Variants in TRERF1 observed in about 807,000 individuals in gnomAD.
TRERF1 encodes transcriptional-regulating factor 1.
A neutral mutation model predicts 122.9 loss-of-function variants in TRERF1; 27 were observed. The ratio of observed to expected loss-of-function variants is 0.22; its 90% CI spans 0.16 to 0.30. The LOEUF is 0.30. Ranked by LOEUF, TRERF1 falls within the 10% of genes least tolerant of loss-of-function variation. The probability of loss-of-function intolerance (pLI) is 1.00; values close to 1 mark genes in which losing one functional copy is unlikely to be tolerated. For synonymous variants in TRERF1, 636 were observed against 641.7 expected, an observed-to-expected ratio of 0.99 and a Z score of 0.13; for missense variants, 1,248 against 1,560.3, an observed-to-expected ratio of 0.80 and a Z score of 3.37.
intron 2 of TRERF1, among the ~76,000 whole-genome samples, chr6:42,374,686 G>C (rs924253965): frequency 1.3e-5 from 2 of 152,140 alleles, no homozygotes; most frequent in Admixed American, 6.6e-5. Flanking sequence ...TCTCCTCAGA[G>C]GTAGAAATGT....
In TRERF1 at chr6:42,269,203, T is replaced by A; in HGVS notation, c.388A>T (p.Ile130Phe). 2 of 1,614,224 alleles carry A rather than the reference T, an allele frequency of 1.2e-6. No homozygotes were observed. The highest frequency in any genetic ancestry group is 1.7e-6 in the Non-Finnish European group (2 of 1,180,044). Residue 130 changes from isoleucine to phenylalanine, a missense_variant, in exon 5 of 18, where the codon ATC becomes TTC. Coordinates refer to ENST00000372922, the Ensembl canonical transcript of TRERF1. The surrounding 1 kb of genome is among the most constrained non-coding windows in gnomAD (Gnocchi z 4.9). The stretch of plus-strand genomic sequence containing the variant: ...CCGCTGGTAAGCTTCTGGGTCCGGA[T>A]CTCGCTGGCCTGGGAGTAGGTGTAT...
Position 42,414,189 on chromosome 6 carries a change from G to A in TRERF1, c.-454+36988C>T, listed in dbSNP as rs546063509. On this transcript the variant is annotated intron_variant, in intron 2 of 17. Coordinates refer to ENST00000372922, the Ensembl canonical transcript of TRERF1. Reference sequence around the variant, plus strand: ...AACAAGTAAGTGAAAAACAACCAAGGGGAAAGCATCTGGACTTAAAGCATC... The same window carrying A: ...AACAAGTAAGTGAAAAACAACCAAGAGGAAAGCATCTGGACTTAAAGCATC... Among the ~76,000 whole-genome samples the A allele has an allele frequency of 2.0e-5, 3 of 152,294 alleles. No homozygotes were observed. In the South Asian group the frequency reaches 6.2e-4, roughly 32 times the overall value.
chr6:42,316,418 T>C (rs941724591), intron 3 of TRERF1, among the ~76,000 whole-genome samples: 3 of 152,188 alleles, frequency 2.0e-5, no homozygotes, highest in Admixed American at 1.3e-4. Flanking sequence ...GACTGCCTCA[T>C]AGTGACTTTG....
intron 5 of TRERF1, among the ~76,000 whole-genome samples, chr6:42,266,915 A>T (rs1779299553): frequency 6.6e-6 from 1 of 152,190 alleles, no homozygotes; most frequent in South Asian, 2.1e-4. Context: ...ACCACTGCCT[A>T]ATGTCTCATA....
intron 6 of TRERF1, among the ~76,000 whole-genome samples, chr6:42,265,418 T>A (rs1010612237): frequency 4.6e-5 from 7 of 152,378 alleles, no homozygotes; most frequent in Middle Eastern, 3.4e-3. Context: ...ACATGGGCTT[T>A]GCAGTCAATC....
chr6:42,226,164 A>G (rs1025047193), exon 18 of TRERF1: 4 of 152,252 alleles, frequency 2.6e-5, no homozygotes, highest in African/African-American at 4.8e-5. Context: ...TCCTTATGCT[A>G]TACTGCATGG....
intron 2 of TRERF1, among the ~76,000 whole-genome samples, chr6:42,395,505 G>A (rs984024929): frequency 6.6e-6 from 1 of 152,096 alleles, no homozygotes; most frequent in Non-Finnish European, 1.5e-5. Context: ...AGGCAAGATC[G>A]GAGAGATTTT....
At chr6:42,423,970 A>G (rs1783230414) in intron 2 of TRERF1, among the ~76,000 whole-genome samples, 1 of 152,258 alleles carries the variant, frequency 6.6e-6, no homozygotes, top group South Asian at 2.1e-4. Flanking sequence ...AATGTAATAA[A>G]AAGATATGCT....
chr6:42,335,040 C>A (rs1378953190), intron 3 of TRERF1, among the ~76,000 whole-genome samples: 1 of 152,230 alleles, frequency 6.6e-6, no homozygotes, highest in African/African-American at 2.4e-5. Context: ...CATTATCAGG[C>A]TACGTGGCAC....
intron 2 of TRERF1, among the ~76,000 whole-genome samples, chr6:42,414,817 C>T (rs1392365894): frequency 6.6e-6 from 1 of 152,226 alleles, no homozygotes; most frequent in Non-Finnish European, 1.5e-5. Flanking sequence ...TTTAGCCCAT[C>T]TCCCACTGAT....
At chr6:42,444,213 T>G (rs1231617849) in intron 2 of TRERF1, among the ~76,000 whole-genome samples, 1 of 149,212 alleles carries the variant, frequency 6.7e-6, no homozygotes, top group Non-Finnish European at 1.5e-5. Flanking sequence ...TCTTTTGAGC[T>G]TCTTGCTCAA....
At chr6:42,402,548 T>C (rs1450037280) in intron 2 of TRERF1, among the ~76,000 whole-genome samples, 1 of 152,124 alleles carries the variant, frequency 6.6e-6, no homozygotes, top group Non-Finnish European at 1.5e-5. Flanking sequence ...TAAGGAAGGG[T>C]CACATCCATA....
intron 4 of TRERF1, among the ~76,000 whole-genome samples, chr6:42,289,619 T>C (rs1389074887): frequency 6.6e-6 from 1 of 152,180 alleles, no homozygotes; most frequent in Non-Finnish European, 1.5e-5. Context: ...AGAATAGGAT[T>C]GTTTTTTGGA....
At chr6:42,430,694 GACC>G (rs1562197762) in intron 2 of TRERF1, among the ~76,000 whole-genome samples, 3 of 152,202 alleles carry the variant, frequency 2.0e-5, no homozygotes, top group East Asian at 1.9e-4. Flanking sequence ...AGGAGATGGA[GACC>G]ACCATCCTGG....
Position 42,370,134 on chromosome 6 carries a change from G to C in TRERF1, c.-453-7055C>G, listed in dbSNP as rs937823678. ...GGGGTAAAGGATGGATGCAGGGGAA[G>C]GGGGGGTCTCTTTATACCCTACCAT... On this transcript the variant is annotated intron_variant, in intron 2 of 17. Coordinates refer to ENST00000372922, the Ensembl canonical transcript of TRERF1. Among the ~76,000 whole-genome samples the C allele has an allele frequency of 2.0e-4, 29 of 148,346 alleles. 1 individual carries two copies. Among genetic ancestry groups the C allele is most frequent in the East Asian group, 1.4e-3 (7 of 5,184 alleles).
At chr6:42,277,814 G>A (rs1321250447) in intron 4 of TRERF1, among the ~76,000 whole-genome samples, 1 of 150,624 alleles carries the variant, frequency 6.6e-6, no homozygotes, top group East Asian at 1.9e-4. Context: ...CTGCATGCTA[G>A]CCCTATCTCA....
intron 2 of TRERF1, among the ~76,000 whole-genome samples, chr6:42,439,197 C>T (rs1391869941): frequency 6.6e-6 from 1 of 152,168 alleles, no homozygotes; most frequent in Non-Finnish European, 1.5e-5. Flanking sequence ...CCCCTCCAGA[C>T]TGGATTCCGT....
intron 4 of TRERF1, among the ~76,000 whole-genome samples, chr6:42,291,524 C>T (rs1418835771): frequency 2.7e-5 from 4 of 149,664 alleles, no homozygotes; most frequent in Non-Finnish European, 5.9e-5. Flanking sequence ...TGTTTTGTTT[C>T]GTTTTTGTTG....
chr6:42,369,010 T>C (rs980234234), intron 2 of TRERF1, among the ~76,000 whole-genome samples: 7 of 152,050 alleles, frequency 4.6e-5, no homozygotes, highest in African/African-American at 1.4e-4. Flanking sequence ...CTGAAAAAAA[T>C]TCCCAGGCTC....
Sources: allele counts gnomAD v4.1 joint callset (sites outside exome capture counted in the v4.1 genomes callset), GRCh38; gene constraint gnomAD v4.1.1; non-coding constraint Gnocchi (gnomAD v3.1); transcripts MANE v1.5; gene names NCBI Gene and HGNC (gene_info 2026-07-23, HGNC 2026-07-21).